The following WASF2 variants were observed in gnomAD, a reference collection of about 807,000 sequenced individuals.
WASF2 encodes the protein actin-binding protein WASF2.
In WASF2, 14 loss-of-function variants were observed where a neutral mutation model predicts 45.0. That is an observed-to-expected ratio of 0.31 (90% CI 0.21 to 0.49). WASF2 has a LOEUF of 0.49. Ranked by LOEUF, WASF2 falls within the 20% of genes least tolerant of loss-of-function variation. WASF2 has a pLI of 0.99. For missense variants in WASF2, 439 were observed against 636.1 expected (o/e 0.69, Z 3.33); for synonymous variants, 200 against 236.3 (o/e 0.85, Z 1.41).
chr1:27,435,988 T>C (rs1179972152), intron 1 of WASF2, among the ~76,000 whole-genome samples: 1 of 152,236 alleles, frequency 6.6e-6, no homozygotes, highest in Non-Finnish European at 1.5e-5. Flanking sequence ...TGATCAGCAG[T>C]AGCAGGGGAT....
intron 1 of WASF2, among the ~76,000 whole-genome samples, chr1:27,479,299 A>T (rs965901687): frequency 1.8e-4 from 27 of 150,244 alleles, no homozygotes; most frequent in African/African-American, 6.4e-4. Flanking sequence ...AAAAAAAAAA[A>T]TCTTGGCTAG....
chr1:27,452,801 G>A (rs1236867374), intron 1 of WASF2, among the ~76,000 whole-genome samples: 16 of 146,358 alleles, frequency 1.1e-4, no homozygotes, highest in East Asian at 1.1e-3. Context: ...GAGTGATAGA[G>A]TGGGACTCCA....
chr1:27,453,584 T>C (rs2017414313), intron 1 of WASF2, among the ~76,000 whole-genome samples: 1 of 95,952 alleles, frequency 1.0e-5, no homozygotes, highest in East Asian at 3.2e-4. Context: ...AGAGCAAGAC[T>C]CTGTCTCAAA....
intron 1 of WASF2, among the ~76,000 whole-genome samples, chr1:27,478,028 G>C (rs1269879891): frequency 1.3e-5 from 2 of 151,608 alleles, no homozygotes; most frequent in African/African-American, 2.4e-5. Context: ...GAAGCAGGTG[G>C]ATCACTTGAA....
At chr1:27,447,817 A>G (rs1486533763) in intron 1 of WASF2, among the ~76,000 whole-genome samples, 1 of 152,194 alleles carries the variant, frequency 6.6e-6, no homozygotes, top group African/African-American at 2.4e-5. Flanking sequence ...AAATGATTCA[A>G]GTTTCATCTT....
At chr1:27,467,849 T>C (rs1341747103) in intron 1 of WASF2, among the ~76,000 whole-genome samples, 1 of 149,544 alleles carries the variant, frequency 6.7e-6, no homozygotes, top group Non-Finnish European at 1.5e-5. Flanking sequence ...GAGGCGGAGG[T>C]TGCAGTACAT....
chr1:27,451,345 G>C (rs1431184202), intron 1 of WASF2, among the ~76,000 whole-genome samples: 1 of 152,194 alleles, frequency 6.6e-6, no homozygotes, highest in Non-Finnish European at 1.5e-5. Context: ...GACAAATAAA[G>C]CTAGTTAAGA....
intron 1 of WASF2, among the ~76,000 whole-genome samples, chr1:27,445,015 T>C (rs1481499583): frequency 2.0e-5 from 3 of 152,208 alleles, no homozygotes; most frequent in Admixed American, 6.5e-5. Flanking sequence ...GTCTATTTTA[T>C]AGCACAGATT....
At chr1:27,423,140 C>CAAA (rs35025475) in intron 2 of WASF2, among the ~76,000 whole-genome samples, 1 of 103,260 alleles carries the variant, frequency 9.7e-6, no homozygotes, top group African/African-American at 3.7e-5. Context: ...GACTCCATCT[C>CAAA]AAAAAAAAAA....
intron 2 of WASF2, 32 bp from the exon 3 acceptor site, chr1:27,419,120 G>A (rs1295308728): frequency 6.2e-7 from 1 of 1,608,948 alleles, no homozygotes; most frequent in Non-Finnish European, 8.5e-7. Context: ...AGTCACTAGT[G>A]CATAGAAGTA....
chr1:27,422,047 A>G (rs1162007915), intron 2 of WASF2, among the ~76,000 whole-genome samples: 2 of 152,032 alleles, frequency 1.3e-5, no homozygotes, highest in Non-Finnish European at 2.9e-5. Flanking sequence ...GGGAAAAAAA[A>G]AAAACAATCA....
chr1:27,426,512 A>T (rs1386109299), intron 2 of WASF2, among the ~76,000 whole-genome samples: 1 of 62,112 alleles, frequency 1.6e-5, no homozygotes, highest in East Asian at 3.0e-4. Flanking sequence ...AAGTTAACTT[A>T]ATTTTTTTTT....
rs189454247 is a variant in WASF2, at chr1:27,429,484, C to G, written c.-43-551G>C. On this transcript the variant is annotated intron_variant, in intron 1 of 8. Transcript: ENST00000618852. ...TTGGTAAATGGCTGTTAATGTATAG[C>G]TAACCACTAGGCCGGGCATGGTGGC... Among the ~76,000 whole-genome samples, 44 of 152,276 alleles carry G rather than the reference C, an allele frequency of 2.9e-4. No homozygotes were observed. In the East Asian group the frequency reaches 8.3e-3, roughly 29 times the overall value.
intron 1 of WASF2, among the ~76,000 whole-genome samples, chr1:27,448,497 G>A (rs571359418): frequency 2.0e-5 from 3 of 152,218 alleles, no homozygotes; most frequent in South Asian, 2.1e-4. Flanking sequence ...CACTAACACC[G>A]AACATTGGAC....
chr1:27,429,584 T>C (rs556532871), intron 1 of WASF2, among the ~76,000 whole-genome samples: 231 of 152,252 alleles, frequency 1.5e-3, no homozygotes, highest in African/African-American at 5.3e-3. Context: ...GAGAGCAGCC[T>C]GGCCAAGATG....
chr1:27,429,765 A>C (rs2017036079), intron 1 of WASF2, among the ~76,000 whole-genome samples: 1 of 150,794 alleles, frequency 6.6e-6, no homozygotes, highest in Admixed American at 6.6e-5. Flanking sequence ...GACAAGAGCA[A>C]GACTCCGTCT....
At chr1:27,430,448 C>T (rs1444358358) in intron 1 of WASF2, among the ~76,000 whole-genome samples, 1 of 152,186 alleles carries the variant, frequency 6.6e-6, no homozygotes, top group Non-Finnish European at 1.5e-5. Flanking sequence ...GCAACCTCCA[C>T]CTACTGGGCT....
At chr1:27,455,047 G>T (rs558337997) in intron 1 of WASF2, among the ~76,000 whole-genome samples, 1 of 152,156 alleles carries the variant, frequency 6.6e-6, no homozygotes, top group East Asian at 1.9e-4. Flanking sequence ...ATACCAAATT[G>T]TTTTTCCAAA....
At chr1:27,461,319 CACAT>C (rs1433447671) in intron 1 of WASF2, among the ~76,000 whole-genome samples, 4 of 152,016 alleles carry the variant, frequency 2.6e-5, no homozygotes, top group Non-Finnish European at 4.4e-5. Context: ...CACACACATT[CACAT>C]ACACACACAG....
Sources: allele counts gnomAD v4.1 joint callset (sites outside exome capture counted in the v4.1 genomes callset), GRCh38; gene constraint gnomAD v4.1.1; transcripts MANE v1.5; gene names NCBI Gene and HGNC (gene_info 2026-07-23, HGNC 2026-07-21).